The following KCNJ1 variants were observed in gnomAD, a reference collection of about 807,000 sequenced individuals.
KCNJ1 encodes ATP-sensitive inward rectifier potassium channel 1.
In KCNJ1, 24 loss-of-function variants were observed where a neutral mutation model predicts 21.9. That is an observed-to-expected ratio of 1.10 (90% confidence interval 0.79 to 1.54). The LOEUF (loss-of-function observed/expected upper bound fraction) is 1.54, where lower values mean the gene tolerates loss of function less well. KCNJ1 is among the 40% of genes most tolerant of loss of function. The pLI is 0.00. For synonymous variants in KCNJ1, 152 were observed against 160.9 expected, an observed-to-expected ratio of 0.94 and a Z score of 0.42; for missense variants, 457 against 455.4, an observed-to-expected ratio of 1.00 and a Z score of -0.03.
Position 128,839,234 on chromosome 11 carries a change from G to A in KCNJ1, c.1010C>T (p.Ala337Val). Residue 337 changes from alanine to valine, a missense_variant, in exon 3 of 3, where the codon GCC (alanine) becomes GTC (valine). Ala to Val is a moderately conservative substitution (Grantham distance 64, BLOSUM62 0). Coordinates refer to ENST00000392666, the MANE Select transcript of KCNJ1 (RefSeq NM_153766.3). ...KTVEVETPHC[A>V]MCLYNEKDVR... ...ATCTTTCTCATTATAAAGGCACATG[G>A]CACAGTGAGGGGTCTCCACTTCCAC... 1 of 1,613,950 alleles carries A rather than the reference G, an allele frequency of 6.2e-7. No homozygotes were observed. Among genetic ancestry groups the A allele is most frequent in the South Asian group, 1.1e-5 (1 of 91,066 alleles).
intron 1 of KCNJ1, among the ~76,000 whole-genome samples, chr11:128,864,767 C>G (rs1160612663): frequency 6.6e-6 from 1 of 152,104 alleles, no homozygotes; most frequent in Non-Finnish European, 1.5e-5. Flanking sequence ...CAGAGCTCCA[C>G]TTCATCCTCG....
At chr11:128,864,820 T>C (rs1943788247) in intron 1 of KCNJ1, among the ~76,000 whole-genome samples, 1 of 152,150 alleles carries the variant, frequency 6.6e-6, no homozygotes, top group East Asian at 1.9e-4. Flanking sequence ...CACCAGACTT[T>C]GTGTCTTCTC....
chr11:128,852,255 C>G (rs1337297456), intron 1 of KCNJ1, among the ~76,000 whole-genome samples: 1 of 152,232 alleles, frequency 6.6e-6, no homozygotes, highest in Non-Finnish European at 1.5e-5. Flanking sequence ...TCCTGCCATG[C>G]ATTGAATGAA....
intron 1 of KCNJ1, among the ~76,000 whole-genome samples, chr11:128,857,055 C>T (rs573330045): frequency 6.6e-6 from 1 of 152,270 alleles, no homozygotes; most frequent in African/African-American, 2.4e-5. Context: ...AGCCCAAAGT[C>T]ATCCCCTCTG....
Position 128,838,703 on chromosome 11 carries a change from T to G in KCNJ1, c.*422A>C. The G allele has an allele frequency of 6.0e-6, 1 of 166,664 alleles. No individual in the cohort carries two copies. The highest frequency in any genetic ancestry group is 1.3e-5 in the Non-Finnish European group (1 of 76,876). 10.3% of individuals were successfully genotyped at this position (166,664 alleles called of 1,614,324 possible). On this transcript the variant is annotated 3_prime_UTR_variant, in exon 3 of 3. Transcript: ENST00000392666. ...GTAAAAGTCCACATTAAAAGTGGAG[T>G]CATTCTTATCAGTAGAATCAAAATG...
chr11:128,838,817 C>T lies in KCNJ1; in HGVS notation c.*308G>A, dbSNP rs902876391. ...TATTTTGTTTGGCCTGTTCATGAAA[C>T]TTTTGATAATTTTATCTGCTCCAAT... is the stretch of plus-strand genomic sequence containing the variant. On this transcript the variant is annotated 3_prime_UTR_variant, in exon 3 of 3. Coordinates refer to ENST00000392666, the MANE Select transcript of KCNJ1 (RefSeq NM_153766.3). 24 of 338,050 alleles carry T rather than the reference C, an allele frequency of 7.1e-5. No homozygotes were observed. The highest frequency in any genetic ancestry group is 1.1e-4 in the Non-Finnish European group (21 of 184,348). 20.9% of individuals were successfully genotyped at this position (338,050 alleles called of 1,614,324 possible).
chr11:128,841,945 G>A (rs932563365), intron 2 of KCNJ1, among the ~76,000 whole-genome samples: 1 of 152,162 alleles, frequency 6.6e-6, no homozygotes, highest in African/African-American at 2.4e-5. Flanking sequence ...GTGCATGTGA[G>A]GTACAGAGAA....
rs145558669 is a variant in KCNJ1 at position 128,852,041 on chromosome 11, C to T, written c.-191-1151G>A. 2.4e-3 allele frequency among the ~76,000 whole-genome samples: 369 copies of T among 152,294 alleles called. 1 individual carries two copies. The highest frequency in any genetic ancestry group is 8.6e-3 in the African/African-American group (356 of 41,556). ...GGGGTAAGATTTAAGAAGTGGGTTT[C>T]CAGTGTTTGAATCTGAAATCAGTCA... On this transcript the variant is annotated intron_variant, in intron 1 of 2. Transcript: ENST00000392666.
chr11:128,840,466 A>G (rs1320636623), intron 2 of KCNJ1, among the ~76,000 whole-genome samples: 1 of 152,200 alleles, frequency 6.6e-6, no homozygotes, highest in Admixed American at 6.5e-5. Context: ...ATGTTACTCA[A>G]ACATAAAGAG....
chr11:128,858,543 GAGACTGGCCAATAATAAATGTTCCATAA>G (rs1439112736), intron 1 of KCNJ1, among the ~76,000 whole-genome samples: 6 of 152,230 alleles, frequency 3.9e-5, no homozygotes, highest in African/African-American at 1.4e-4. Flanking sequence ...ATGTATAAAA[GAGACTGGCCAATAATAAATGTTCCATAA>G]AGTTTTCTTG....
chr11:128,864,959 C>T lies in KCNJ1; in HGVS notation c.-192+2214G>A, dbSNP rs566840815. Among the ~76,000 whole-genome samples, 7 of 152,216 alleles carry T rather than the reference C, an allele frequency of 4.6e-5. No individual in the cohort carries two copies. In the South Asian group the frequency reaches 6.2e-4, roughly 14 times the overall value. On this transcript the variant is annotated intron_variant, in intron 1 of 2. Coordinates refer to ENST00000392666, the MANE Select transcript of KCNJ1 (RefSeq NM_153766.3). ...TCTTACCCCGGTTCTCACCACCTTC[C>T]GGACACTGCCCAAGTTCCTCAGCAT...
intron 1 of KCNJ1, among the ~76,000 whole-genome samples, chr11:128,865,500 T>C (rs1435518761): frequency 5.3e-5 from 8 of 151,952 alleles, no homozygotes; most frequent in South Asian, 2.1e-4. Flanking sequence ...ATAATAGTCA[T>C]GAGAAAGACA....
At chr11:128,857,026 G>A (rs1400240619) in intron 1 of KCNJ1, among the ~76,000 whole-genome samples, 1 of 152,080 alleles carries the variant, frequency 6.6e-6, no homozygotes, top group East Asian at 1.9e-4. Flanking sequence ...CATATAGCCA[G>A]GACTCTGCCA....
chr11:128,862,138 A>G (rs1252259995), intron 1 of KCNJ1, among the ~76,000 whole-genome samples: 1 of 152,144 alleles, frequency 6.6e-6, no homozygotes, highest in East Asian at 1.9e-4. Flanking sequence ...TTAAGGGGCA[A>G]CTTTGTAGAA....
At chr11:128,860,653 C>T (rs561525220) in intron 1 of KCNJ1, among the ~76,000 whole-genome samples, 5 of 152,120 alleles carry the variant, frequency 3.3e-5, no homozygotes, top group Admixed American at 6.5e-5. Flanking sequence ...GGCCTGGAGA[C>T]GCAATAGCCT....
At chr11:128,846,544 A>G (rs999994258) in intron 2 of KCNJ1, among the ~76,000 whole-genome samples, 1 of 152,144 alleles carries the variant, frequency 6.6e-6, no homozygotes, top group East Asian at 1.9e-4. Context: ...TCTATCAACT[A>G]TGCTAGCTTC....
chr11:128,859,252 G>T (rs1419715084), intron 1 of KCNJ1, among the ~76,000 whole-genome samples: 1 of 152,218 alleles, frequency 6.6e-6, no homozygotes, highest in Admixed American at 6.5e-5. Context: ...GCAGAACTGG[G>T]GTAGGAACGC....
intron 1 of KCNJ1, among the ~76,000 whole-genome samples, chr11:128,856,259 G>A (rs551658128): frequency 7.6e-5 from 11 of 143,954 alleles, no homozygotes; most frequent in African/African-American, 2.8e-4. Context: ...GATTAGGTTA[G>A]ACGAGAAGGA....
In KCNJ1 at chr11:128,839,694, G is replaced by A. The variant is rs779864905; in HGVS notation, c.550C>T (p.Arg184Trp). ...TFSKNAVISK[R>W]GGKLCLLIRV... Reference sequence around the variant, plus strand: ...ATTAGGAGGCAAAGCTTCCCTCCCCGTTTGCTGATCACTGCGTTCTTGCTG... The same window carrying A: ...ATTAGGAGGCAAAGCTTCCCTCCCCATTTGCTGATCACTGCGTTCTTGCTG... The change falls in exon 3 of 3, where the codon CGG (arginine) becomes TGG (tryptophan). Residue 184 changes from arginine to tryptophan, a missense_variant. Coordinates refer to ENST00000392666, the MANE Select transcript of KCNJ1 (RefSeq NM_153766.3). 2.5e-5 allele frequency: 41 copies of A among 1,613,088 alleles called. No individual in the cohort carries two copies. The highest frequency in any genetic ancestry group is 1.6e-4 in the Middle Eastern group (1 of 6,084).
Sources: allele counts gnomAD v4.1 joint callset (sites outside exome capture counted in the v4.1 genomes callset), GRCh38; gene constraint gnomAD v4.1.1; transcripts MANE v1.5; gene names NCBI Gene and HGNC (gene_info 2026-07-23, HGNC 2026-07-21).